The following CADM2 variants were observed in gnomAD, a reference collection of about 807,000 sequenced individuals.
CADM2 encodes the protein cell adhesion molecule 2.
Under a neutral mutation model 49.8 loss-of-function variants are expected in CADM2, and 12 were observed. That is an observed-to-expected ratio of 0.24 (90% CI 0.15 to 0.39). The LOEUF (loss-of-function observed/expected upper bound fraction) is 0.39. CADM2 is among the 10% of genes least tolerant of loss of function. CADM2 has a pLI of 1.00. For missense variants in CADM2, 378 were observed against 492.3 expected (o/e 0.77, Z 2.20); for synonymous variants, 214 against 175.4 (o/e 1.22, Z -1.74).
At chr3:86,028,339 T>C (rs1172072801) in intron 8 of CADM2, among the ~76,000 whole-genome samples, 3 of 151,942 alleles carry the variant, frequency 2.0e-5, no homozygotes, top group Non-Finnish European at 4.4e-5. Context: ...TTCCAGTAAA[T>C]GAAAACACAA....
chr3:85,822,312 G>A (rs926682260), intron 3 of CADM2, among the ~76,000 whole-genome samples: 3 of 152,070 alleles, frequency 2.0e-5, no homozygotes, highest in Admixed American at 6.6e-5. Flanking sequence ...GGCCAGGTGC[G>A]GTGGCTCATG....
intron 4 of CADM2, among the ~76,000 whole-genome samples, chr3:85,885,752 T>G (rs912624709): frequency 6.9e-6 from 1 of 145,776 alleles, no homozygotes. Context: ...CTTGGGAGTC[T>G]GAAGCAGGAG....
intron 1 of CADM2, among the ~76,000 whole-genome samples, chr3:84,971,522 T>C (rs1283512106): frequency 1.3e-5 from 2 of 152,162 alleles, no homozygotes; most frequent in African/African-American, 4.8e-5. Context: ...TTCCATGAAA[T>C]TTACAATGCT....
chr3:86,036,553 C>A (rs542094088), intron 8 of CADM2, among the ~76,000 whole-genome samples: 1 of 152,160 alleles, frequency 6.6e-6, no homozygotes, highest in East Asian at 1.9e-4. Flanking sequence ...ACTGAATTAT[C>A]ACATGTCCAC....
chr3:85,081,348 G>A (rs999830923), intron 1 of CADM2, among the ~76,000 whole-genome samples: 5 of 152,140 alleles, frequency 3.3e-5, no homozygotes, highest in Admixed American at 3.3e-4. Flanking sequence ...GTTACCTCAT[G>A]TAAAACTGCT....
intron 1 of CADM2, among the ~76,000 whole-genome samples, chr3:85,498,956 G>C (rs1444768658): frequency 6.6e-6 from 1 of 152,066 alleles, no homozygotes; most frequent in Non-Finnish European, 1.5e-5. Context: ...ATTGACATTT[G>C]CGTAATGTTT....
chr3:86,055,476 TTTTG>T (rs1737834153), intron 8 of CADM2, among the ~76,000 whole-genome samples: 7 of 131,118 alleles, frequency 5.3e-5, no homozygotes, highest in South Asian at 2.7e-4. Context: ...TTTTTTTTTT[TTTTG>T]GTTTTAGAGG....
chr3:86,022,567 TA>T (rs1266847030), intron 8 of CADM2, among the ~76,000 whole-genome samples: 1 of 152,210 alleles, frequency 6.6e-6, no homozygotes, highest in Admixed American at 6.5e-5. Context: ...TTTATCATTA[TA>T]ACCTTGCTTT....
At chr3:85,591,360 G>A (rs189328123) in intron 1 of CADM2, among the ~76,000 whole-genome samples, 1 of 152,056 alleles carries the variant, frequency 6.6e-6, no homozygotes, top group African/African-American at 2.4e-5. Context: ...TTATACTTGA[G>A]ATGCTAAAAT....
intron 8 of CADM2, among the ~76,000 whole-genome samples, chr3:85,987,863 A>C (rs1357270223): frequency 6.6e-6 from 1 of 151,992 alleles, no homozygotes; most frequent in African/African-American, 2.4e-5. Context: ...AAATTTAAAA[A>C]AAAATCATTA....
At chr3:85,798,960 G>A (rs1274746223) in intron 2 of CADM2, among the ~76,000 whole-genome samples, 1 of 152,070 alleles carries the variant, frequency 6.6e-6, no homozygotes, top group African/African-American at 2.4e-5. Context: ...GCAGTGGTTT[G>A]TAGTTCTCTT....
intron 1 of CADM2, among the ~76,000 whole-genome samples, chr3:85,444,159 C>A (rs996350153): frequency 6.6e-6 from 1 of 152,046 alleles, no homozygotes; most frequent in African/African-American, 2.4e-5. Context: ...AGAACTTGTA[C>A]TCTGACATAA....
chr3:85,230,449 G>T (rs973012410), intron 1 of CADM2, among the ~76,000 whole-genome samples: 1 of 152,168 alleles, frequency 6.6e-6, no homozygotes, highest in Non-Finnish European at 1.5e-5. Context: ...GGTAATAAAA[G>T]TGACCTGTGT....
chr3:84,990,230 C>T (rs1159180104), intron 1 of CADM2, among the ~76,000 whole-genome samples: 4 of 151,372 alleles, frequency 2.6e-5, no homozygotes, highest in Non-Finnish European at 5.9e-5. Context: ...TTATAGGTAC[C>T]TCTAAGAACC....
intron 3 of CADM2, among the ~76,000 whole-genome samples, chr3:85,862,223 T>C (rs1396569420): frequency 1.3e-5 from 2 of 152,186 alleles, no homozygotes; most frequent in African/African-American, 2.4e-5. Flanking sequence ...CTGACCATTT[T>C]GGTCCTCTCA....
At chr3:85,386,924 T>C (rs1278830728) in intron 1 of CADM2, among the ~76,000 whole-genome samples, 1 of 152,160 alleles carries the variant, frequency 6.6e-6, no homozygotes, top group Non-Finnish European at 1.5e-5. Context: ...GGAATAAAAA[T>C]CATTCCCTTC....
chr3:85,670,020 C>A (rs1340248594), intron 1 of CADM2, among the ~76,000 whole-genome samples: 1 of 152,180 alleles, frequency 6.6e-6, no homozygotes. Context: ...ATTTCTCCCC[C>A]TGGGTTTCAG....
chr3:85,416,488 T>C (rs1052871094), intron 1 of CADM2, among the ~76,000 whole-genome samples: 1 of 152,198 alleles, frequency 6.6e-6, no homozygotes, highest in African/African-American at 2.4e-5. Context: ...CAATGACTTA[T>C]ACAACAGAAA....
intron 8 of CADM2, among the ~76,000 whole-genome samples, chr3:85,963,262 A>G (rs1385700693): frequency 6.6e-6 from 1 of 151,932 alleles, no homozygotes; most frequent in Non-Finnish European, 1.5e-5. Flanking sequence ...AATTTCTAGC[A>G]CTTCATGAAT....
Sources: allele counts gnomAD v4.1 joint callset (sites outside exome capture counted in the v4.1 genomes callset), GRCh38; gene constraint gnomAD v4.1.1; transcripts MANE v1.5; gene names NCBI Gene and HGNC (gene_info 2026-07-23, HGNC 2026-07-21).